The following ABLIM2 variants were observed in gnomAD, a reference collection of about 807,000 sequenced individuals.
ABLIM2 encodes the protein actin binding LIM protein family member 2, also known as actin-binding LIM protein 2.
ABLIM2 carries 53 observed loss-of-function variants against 97.7 expected under a neutral mutation model. The observed-to-expected ratio is 0.54, with a 90% CI of 0.44 to 0.68. The LOEUF (loss-of-function observed/expected upper bound fraction) is 0.68. Among genes scored for constraint, ABLIM2 ranks in the 30% least tolerant of loss-of-function variants. ABLIM2 has a pLI of 0.00. For synonymous variants in ABLIM2, 361 were observed against 345.8 expected (o/e 1.04, Z -0.49); for missense variants, 835 against 867.2 (o/e 0.96, Z 0.47).
At chr4:7,983,472 G>A in intron 19 of ABLIM2, 75 bp downstream of exon 19, 2 of 1,599,906 alleles carry the variant, frequency 1.3e-6, no homozygotes, top group South Asian at 1.1e-5. Context: ...CATAGGTAAA[G>A]CACAACAGAA....
At chr4:7,968,482 G>A (rs1367487911) in intron 20 of ABLIM2, among the ~76,000 whole-genome samples, 2 of 152,252 alleles carry the variant, frequency 1.3e-5, no homozygotes, top group Admixed American at 6.5e-5. Context: ...TCCATGTGAC[G>A]GAATAGCCTT....
chr4:8,044,669 G>GTCTC lies in ABLIM2; in HGVS notation c.900+491_900+494dup, dbSNP rs1301449382. Among the ~76,000 whole-genome samples, 128 of 72,876 alleles carry GTCTC rather than the reference G, an allele frequency of 1.8e-3. No individual in the cohort carries two copies. The highest frequency in any genetic ancestry group is 5.6e-3 in the African/African-American group (120 of 21,250). 47.8% of individuals were successfully genotyped at this position (72,876 alleles called of 152,430 possible). A position where few individuals can be genotyped will look rare whatever the true frequency, so the allele number is the denominator to read the frequency against. On this transcript the variant is annotated intron_variant, in intron 9 of 20. Coordinates refer to ENST00000447017, the MANE Select transcript of ABLIM2 (RefSeq NM_001130083.2). This position sits in a 1 kb window ranked among gnomAD's most constrained non-coding sequence, Gnocchi z 4.4. ...ACACACACACACACACACACACAGA[G>GTCTC]TCTCTCTCTCTCTCTCTCTCTCGAA...
chr4:8,146,249 T>G (rs778439312), intron 1 of ABLIM2, among the ~76,000 whole-genome samples: 1 of 152,216 alleles, frequency 6.6e-6, no homozygotes, highest in Non-Finnish European at 1.5e-5. Flanking sequence ...CAGGGTTTGG[T>G]GGTCAAAATC....
rs1815723695 is a variant in ABLIM2, at chr4:8,075,934, G to A, written c.675+1694C>T. Reference sequence around the variant, plus strand: ...CTATGATTACATGGAAAGAAAAAACGAAAGAAAACTGGCCAGAAAGTTAGG... The same window carrying A: ...CTATGATTACATGGAAAGAAAAAACAAAAGAAAACTGGCCAGAAAGTTAGG... On this transcript the variant is annotated intron_variant, in intron 6 of 20. Transcript: ENST00000447017. The surrounding 1 kb of genome is among the most constrained non-coding windows in gnomAD (Gnocchi z 4.4). 6.6e-6 allele frequency among the ~76,000 whole-genome samples: 1 copy of A among 152,190 alleles called. No individual in the cohort carries two copies.
intron 20 of ABLIM2, among the ~76,000 whole-genome samples, chr4:7,973,583 A>T (rs571854767): frequency 1.3e-5 from 2 of 152,204 alleles, no homozygotes; most frequent in South Asian, 4.2e-4. Flanking sequence ...TAGGCCCTGC[A>T]GGGCCCTGGA....
At position 7,992,718 on chromosome 4, in the gene ABLIM2, C is replaced by A. The variant is rs1204378765; in HGVS notation, c.1680+148G>T. 2.5e-6 allele frequency: 2 copies of A among 812,100 alleles called. No individual in the cohort carries two copies. Among genetic ancestry groups the A allele is most frequent in the African/African-American group, 1.7e-5 (1 of 58,786 alleles). 50.3% of individuals were successfully genotyped at this position (812,100 alleles called of 1,614,324 possible). ...GAAAAAGCAGTGGTGGCAGTGGCAG[C>A]CCCTGGGAAGGGCATCAGGCAGAGG... On this transcript the variant is annotated intron_variant, in intron 17 of 20. Transcript: ENST00000447017. This position sits in a 1 kb window ranked among gnomAD's most constrained non-coding sequence, Gnocchi z 5.7.
Position 8,021,516 on chromosome 4 carries a change from C to G in ABLIM2, c.1268-1213G>C, listed in dbSNP as rs1018546419. ...CGCTCTTCACCTGAGAACGTTCCCT[C>G]AAGCTGCACAGCCTTTCAGAGCAGC... On this transcript the variant is annotated intron_variant, in intron 12 of 20. Transcript: ENST00000447017. This position sits in a 1 kb window ranked among gnomAD's most constrained non-coding sequence, Gnocchi z 5.5. Among the ~76,000 whole-genome samples the G allele has an allele frequency of 3.9e-5, 6 of 152,250 alleles. No individual in the cohort carries two copies. The highest frequency in any genetic ancestry group is 1.4e-4 in the African/African-American group (6 of 41,466).
rs577794797 is a variant in ABLIM2, at chr4:8,125,818, A to T, written c.11-19181T>A. ...CTGGGCATCCACGGCTGTCCTCAGA[A>T]TGCTCCAGCACCCCAGCCATGCCAG... is the stretch of plus-strand genomic sequence containing the variant. On this transcript the variant is annotated intron_variant, in intron 1 of 20. Transcript: ENST00000447017. This position sits in a 1 kb window ranked among gnomAD's most constrained non-coding sequence, Gnocchi z 6.2. 6.6e-6 allele frequency among the ~76,000 whole-genome samples: 1 copy of T among 152,280 alleles called. No homozygotes were observed. The highest frequency in any genetic ancestry group is 2.4e-5 in the African/African-American group (1 of 41,560).
In ABLIM2 at chr4:7,998,339, T is replaced by C. The variant is rs561601685; in HGVS notation, c.1619-5412A>G. On this transcript the variant is annotated intron_variant, in intron 16 of 20. Transcript: ENST00000447017. This position sits in a 1 kb window ranked among gnomAD's most constrained non-coding sequence, Gnocchi z 6.4. ...CTATTTGAGCAGGCTGTCACCCTGT[T>C]TAGGTTTCGCGTGTACAGCCTGTTC... Among the ~76,000 whole-genome samples the C allele has an allele frequency of 6.6e-6, 1 of 152,160 alleles. No homozygotes were observed. The highest frequency in any genetic ancestry group is 1.5e-5 in the Non-Finnish European group (1 of 68,026).
chr4:8,012,310 C>CCCAT (rs1243716156), intron 14 of ABLIM2, among the ~76,000 whole-genome samples: 5 of 149,542 alleles, frequency 3.3e-5, no homozygotes, highest in Non-Finnish European at 5.9e-5. Context: ...CCATCCTTCA[C>CCCAT]CCATCCATCC....
Position 8,001,458 on chromosome 4 carries a change from C to T in ABLIM2, c.1618+6601G>A, listed in dbSNP as rs2150202458. On this transcript the variant is annotated intron_variant, in intron 16 of 20. Coordinates refer to ENST00000447017, the MANE Select transcript of ABLIM2 (RefSeq NM_001130083.2). The surrounding 1 kb of genome is among the most constrained non-coding windows in gnomAD (Gnocchi z 4.2). ...GCGGCTGCTCCCTGGGGCTCCAGAG[C>T]CCAGCATGCTCTGCCTGGGGCCACT... Among the ~76,000 whole-genome samples, 1 of 152,266 alleles carries T rather than the reference C, an allele frequency of 6.6e-6. No individual in the cohort carries two copies. The highest frequency in any genetic ancestry group is 2.1e-4 in the South Asian group (1 of 4,826).
chr4:8,047,791 A>T (rs986440235), intron 8 of ABLIM2, among the ~76,000 whole-genome samples: 2 of 152,256 alleles, frequency 1.3e-5, no homozygotes, highest in Non-Finnish European at 2.9e-5. Context: ...TAGATCAGGG[A>T]TGAGGCACGT....
At chr4:8,091,835 A>G (rs1476582000) in intron 3 of ABLIM2, among the ~76,000 whole-genome samples, 1 of 62,100 alleles carries the variant, frequency 1.6e-5, no homozygotes, top group African/African-American at 6.2e-5. Flanking sequence ...TATATAAATA[A>G]TATAATATAT....
chr4:7,989,989 C>T (rs1747428600), intron 17 of ABLIM2, among the ~76,000 whole-genome samples: 3 of 152,248 alleles, frequency 2.0e-5, no homozygotes, highest in South Asian at 2.1e-4. Context: ...GCTATTAGGA[C>T]GTTTTAATGA....
intron 3 of ABLIM2, among the ~76,000 whole-genome samples, chr4:8,096,103 C>G (rs916551892): frequency 1.3e-5 from 2 of 152,166 alleles, no homozygotes; most frequent in Admixed American, 6.5e-5. Flanking sequence ...TCCCCCAACC[C>G]CACGCTATCC....
rs748205210 is a variant in ABLIM2, at chr4:8,054,866, T to C, written c.764-620A>G. Among the ~76,000 whole-genome samples the C allele has an allele frequency of 2.6e-5, 4 of 152,078 alleles. No individual in the cohort carries two copies. The highest frequency in any genetic ancestry group is 4.4e-5 in the Non-Finnish European group (3 of 68,002). On this transcript the variant is annotated intron_variant, in intron 7 of 20. Coordinates refer to ENST00000447017, the MANE Select transcript of ABLIM2 (RefSeq NM_001130083.2). This position sits in a 1 kb window ranked among gnomAD's most constrained non-coding sequence, Gnocchi z 4.9. ...AACACCAGCCCCACCCTGTTACTAA[T>C]TTACTCAGTCTCTGTGGCTTCTTGT... is the stretch of plus-strand genomic sequence containing the variant.
Position 8,071,763 on chromosome 4 carries a change from T to A in ABLIM2, c.675+5865A>T, listed in dbSNP as rs777992320. ...GCCCCTTGGAGTTGCGGGCCAGGTT[T>A]CCTACCTGCACAGCTTCTGGGCACC... On this transcript the variant is annotated intron_variant, in intron 6 of 20. Coordinates refer to ENST00000447017, the MANE Select transcript of ABLIM2 (RefSeq NM_001130083.2). The surrounding 1 kb of genome is among the most constrained non-coding windows in gnomAD (Gnocchi z 6.2). The A allele has an allele frequency of 2.4e-5, 24 of 985,356 alleles. No homozygotes were observed. Among genetic ancestry groups the A allele is most frequent in the Non-Finnish European group, 2.8e-5 (23 of 830,022 alleles). The allele number at this position is 985,356 out of a possible 1,614,324, so 61.0% of individuals were successfully genotyped here. A position where few individuals can be genotyped will look rare whatever the true frequency, so the allele number is the denominator to read the frequency against.
rs559914191 is a variant in ABLIM2, at chr4:8,061,229, C to G, written c.676-175G>C. Among the ~76,000 whole-genome samples the G allele has an allele frequency of 6.6e-6, 1 of 152,154 alleles. No homozygotes were observed. The highest frequency in any genetic ancestry group is 1.9e-4 in the East Asian group (1 of 5,142). ...TGAGCAGAGCCCAGACCCGGGGGTG[C>G]CCCCGGGCTGTCCAAGGCGCCCTGT... On this transcript the variant is annotated intron_variant, in intron 6 of 20. Transcript: ENST00000447017. The surrounding 1 kb of genome is among the most constrained non-coding windows in gnomAD (Gnocchi z 4.5).
In ABLIM2 at chr4:8,044,754, C is replaced by G. The variant is rs865970825; in HGVS notation, c.900+410G>C. Reference sequence around the variant, plus strand: ...CTTAACTTGCTTCTTTTAGGGAACACGCTGGGAGAGCGTGCGTGTTGATGT... The same window carrying G: ...CTTAACTTGCTTCTTTTAGGGAACAGGCTGGGAGAGCGTGCGTGTTGATGT... On this transcript the variant is annotated intron_variant, in intron 9 of 20. Transcript: ENST00000447017. This position sits in a 1 kb window ranked among gnomAD's most constrained non-coding sequence, Gnocchi z 4.4. 6.6e-6 allele frequency among the ~76,000 whole-genome samples: 1 copy of G among 152,034 alleles called. No homozygotes were observed. The highest frequency in any genetic ancestry group is 2.4e-5 in the African/African-American group (1 of 41,374).
Sources: gnomAD v4.1 joint callset for allele counts (sites outside exome capture counted in the v4.1 genomes callset) on GRCh38, gnomAD v4.1.1 for gene constraint, Gnocchi (gnomAD v3.1) non-coding constraint, MANE v1.5 for transcripts, NCBI Gene and HGNC (gene_info 2026-07-23, HGNC 2026-07-21) for gene names.